The following RMND5A variants were observed in gnomAD, a reference collection of about 807,000 sequenced individuals.
RMND5A encodes the protein E3 ubiquitin-protein transferase RMND5A.
Under a neutral mutation model 49.7 loss-of-function variants are expected in RMND5A, and 17 were observed. The ratio of observed to expected loss-of-function variants is 0.34; its 90% confidence interval spans 0.23 to 0.51. The LOEUF (loss-of-function observed/expected upper bound fraction) is 0.51. RMND5A is among the 20% of genes least tolerant of loss of function. The pLI is 0.96. For synonymous variants in RMND5A, 156 were observed against 167.7 expected, an observed-to-expected ratio of 0.93 and a Z score of 0.54; for missense variants, 255 against 471.3, an observed-to-expected ratio of 0.54 and a Z score of 4.25.
At chr2:86,748,894 A>G (rs1681585346) in intron 2 of RMND5A, among the ~76,000 whole-genome samples, 1 of 152,256 alleles carries the variant, frequency 6.6e-6, no homozygotes, top group Non-Finnish European at 1.5e-5. Context: ...ATGAATAAGT[A>G]GAAACCTGAA....
rs773700723 is a variant in RMND5A at position 86,765,985 on chromosome 2, C to T, written c.815C>T (p.Ala272Val). Residue 272 changes from alanine (A) to valine (V), a missense_variant, in exon 6 of 9, where the codon GCC becomes GTC. Transcript: ENST00000283632. ...ICDIFTRDAC[A>V]LLGLSVESPL... ...GACATCTTTACACGGGATGCTTGTG[C>T]CCTCCTGGGGCTCTCCGTGGAGTCC... 3 of 1,613,990 alleles carry T rather than the reference C, an allele frequency of 1.9e-6. No individual in the cohort carries two copies. In the East Asian group the frequency reaches 6.7e-5, roughly 36 times the overall value.
At chr2:86,743,041 T>G (rs1350480858) in intron 2 of RMND5A, among the ~76,000 whole-genome samples, 1 of 152,164 alleles carries the variant, frequency 6.6e-6, no homozygotes, top group Non-Finnish European at 1.5e-5. Flanking sequence ...TAGTTTATGT[T>G]TTTTGTCCTG....
chr2:86,776,994 T>C lies in RMND5A; in HGVS notation c.*3583T>C, dbSNP rs1205717571. ...TTACCATAAGCAGGTACAAGCTTCATGAACCGTTCTTAATGAACTATAATT... is the reference window on the plus strand; with the variant it reads ...TTACCATAAGCAGGTACAAGCTTCACGAACCGTTCTTAATGAACTATAATT... On this transcript the variant is annotated 3_prime_UTR_variant, in exon 9 of 9. Transcript: ENST00000283632. 1 of 152,212 alleles carries C rather than the reference T, an allele frequency of 6.6e-6. No individual in the cohort carries two copies. Among genetic ancestry groups the C allele is most frequent in the Non-Finnish European group, 1.5e-5 (1 of 68,028 alleles). 9.4% of individuals were successfully genotyped at this position (152,212 alleles called of 1,614,324 possible).
intron 6 of RMND5A, among the ~76,000 whole-genome samples, chr2:86,767,818 A>G (rs1156868994): frequency 1.3e-5 from 2 of 152,216 alleles, no homozygotes; most frequent in South Asian, 2.1e-4. Flanking sequence ...TTCGTGTGGT[A>G]TTAAGGAGGA....
chr2:86,765,666 T>C (rs1573444699), intron 5 of RMND5A, 193 bp from the exon 6 acceptor site: 1 of 556,134 alleles, frequency 1.8e-6, no homozygotes. Context: ...TTTTCACTGC[T>C]TTCCTTTTCT....
Position 86,743,765 on chromosome 2 carries a change from C to A in RMND5A, c.285+2696C>A, listed in dbSNP as rs1301409094. On this transcript the variant is annotated intron_variant, in intron 2 of 8. Transcript: ENST00000283632. Reference sequence around the variant, plus strand: ...CTTTGGGAGGCCGAGGCAGGCGGATCACCTGAGGTGAGGAGTTCGAGACTA... The same window carrying A: ...CTTTGGGAGGCCGAGGCAGGCGGATAACCTGAGGTGAGGAGTTCGAGACTA... Among the ~76,000 whole-genome samples the A allele has an allele frequency of 2.0e-5, 3 of 152,034 alleles. No individual in the cohort carries two copies. The East Asian group carries it at 5.8e-4, about 29-fold the overall frequency.
intron 1 of RMND5A, among the ~76,000 whole-genome samples, 184 bp from the exon 2 acceptor site, chr2:86,740,743 A>T (rs1681434806): frequency 6.6e-6 from 1 of 151,398 alleles, no homozygotes; most frequent in African/African-American, 2.4e-5. Flanking sequence ...AAAATAAAAA[A>T]ATTATATCTT....
At position 86,774,788 on chromosome 2, in the gene RMND5A, A is replaced by G. The variant is rs1573449500; in HGVS notation, c.*1377A>G. ...AGAAAATGAAAACACAGAAGCAAAG[A>G]GAAATGTGGCACTTCACATTTTAAA... On this transcript the variant is annotated 3_prime_UTR_variant, in exon 9 of 9. Transcript: ENST00000283632. 3.3e-5 allele frequency: 5 copies of G among 152,808 alleles called. No individual in the cohort carries two copies. Among genetic ancestry groups the G allele is most frequent in the South Asian group, 4.1e-4 (2 of 4,822 alleles). The allele number at this position is 152,808 out of a possible 1,614,324, so 9.5% of individuals were successfully genotyped here.
intron 6 of RMND5A, among the ~76,000 whole-genome samples, chr2:86,767,425 CTTTTTTTTTTT>C (rs11468234): frequency 7.5e-4 from 104 of 139,332 alleles, no homozygotes; most frequent in Admixed American, 6.4e-4. Flanking sequence ...TTTTGGCAGT[CTTTTTTTTTTT>C]TTTTTTTTTT....
At chr2:86,772,236 T>C (rs1672695570) in intron 8 of RMND5A, among the ~76,000 whole-genome samples, 1 of 152,052 alleles carries the variant, frequency 6.6e-6, no homozygotes, top group Admixed American at 6.5e-5. Context: ...GATCACGAGG[T>C]CAGGAGATTG....
rs1257257048 is a variant in RMND5A at position 86,777,563 on chromosome 2, C to G, written c.*4152C>G. The G allele has an allele frequency of 6.6e-6, 1 of 152,178 alleles. No homozygotes were observed. The highest frequency in any genetic ancestry group is 6.5e-5 in the Admixed American group (1 of 15,276). The allele number at this position is 152,178 out of a possible 1,614,324, so 9.4% of individuals were successfully genotyped here. On this transcript the variant is annotated 3_prime_UTR_variant, in exon 9 of 9. Coordinates refer to ENST00000283632, the MANE Select transcript of RMND5A (RefSeq NM_022780.4). ...ACTTACACTAAAGGATTCATCAAAT[C>G]ATCTTGTTCAGATGGCTCAGGATTG...
At position 86,772,484 on chromosome 2, in the gene RMND5A, CAAAA is replaced by C. The variant is rs1000193952; in HGVS notation, c.1112+776_1112+779del. Reference sequence around the variant, plus strand: ...AACAAAAACAAAAAACAAAACAAAACAAAAAAACATAGTGCTAAGTGAATTATCT... The same window carrying C: ...AACAAAAACAAAAAACAAAACAAAACAAACATAGTGCTAAGTGAATTATCT... On this transcript the variant is annotated intron_variant, in intron 8 of 8. Coordinates refer to ENST00000283632, the MANE Select transcript of RMND5A (RefSeq NM_022780.4). Among the ~76,000 whole-genome samples the C allele has an allele frequency of 2.0e-5, 3 of 151,564 alleles. No homozygotes were observed. The East Asian group carries it at 5.8e-4, about 29-fold the overall frequency.
intron 4 of RMND5A, among the ~76,000 whole-genome samples, chr2:86,753,830 G>T (rs1477835215): frequency 6.6e-6 from 1 of 152,212 alleles, no homozygotes; most frequent in Admixed American, 6.5e-5. Flanking sequence ...CCACCACTTT[G>T]TGTGGGCTGA....
intron 2 of RMND5A, among the ~76,000 whole-genome samples, chr2:86,745,891 A>T (rs539505563): frequency 1.3e-5 from 2 of 152,342 alleles, no homozygotes; most frequent in East Asian, 3.9e-4. Context: ...TCTGTTCTTA[A>T]ACACTGTGCT....
intron 6 of RMND5A, among the ~76,000 whole-genome samples, chr2:86,767,713 T>G (rs2104410154): frequency 6.6e-6 from 1 of 152,296 alleles, no homozygotes; most frequent in Non-Finnish European, 1.5e-5. Flanking sequence ...TGTAGCAGGG[T>G]ACAAAAAGTT....
At chr2:86,758,349 A>G (rs916189042) in intron 4 of RMND5A, among the ~76,000 whole-genome samples, 1 of 152,120 alleles carries the variant, frequency 6.6e-6, no homozygotes, top group African/African-American at 2.4e-5. Flanking sequence ...TGCCTATATC[A>G]GAGCATATAG....
At chr2:86,763,453 G>A (rs1672540473) in intron 4 of RMND5A, among the ~76,000 whole-genome samples, 1 of 152,148 alleles carries the variant, frequency 6.6e-6, no homozygotes, top group Non-Finnish European at 1.5e-5. Flanking sequence ...GTTGATTGAT[G>A]TGGGGCATTC....
intron 1 of RMND5A, 52 bp downstream of exon 1, chr2:86,720,861 G>A (rs752634109): frequency 6.7e-7 from 1 of 1,486,412 alleles, no homozygotes; most frequent in South Asian, 1.3e-5. Flanking sequence ...CCGAGCCCCG[G>A]TCCCGGCCCC....
At chr2:86,771,300 C>T (rs896306303) in intron 7 of RMND5A, 9 of 356,446 alleles carry the variant, frequency 2.5e-5, no homozygotes, top group Non-Finnish European at 4.6e-5. Flanking sequence ...CCAGTAAAGC[C>T]ATTAGAGGTG....
Sources: gnomAD v4.1 joint callset for allele counts (sites outside exome capture counted in the v4.1 genomes callset) on GRCh38, gnomAD v4.1.1 for gene constraint, MANE v1.5 for transcripts, NCBI Gene and HGNC (gene_info 2026-07-23, HGNC 2026-07-21) for gene names.